The following STK32C variants were observed in gnomAD, a reference collection of about 807,000 sequenced individuals.
STK32C encodes the protein serine/threonine-protein kinase 32C.
STK32C carries 31 observed loss-of-function variants against 56.5 expected under a neutral mutation model. That is an observed-to-expected ratio of 0.55 (90% CI 0.41 to 0.74). The LOEUF is 0.74. Among genes scored for constraint, STK32C ranks in the 30% least tolerant of loss-of-function variants. STK32C has a pLI of 0.00. For synonymous variants in STK32C, 309 were observed against 289.4 expected (o/e 1.07, Z -0.69); for missense variants, 544 against 676.9 (o/e 0.80, Z 2.18).
At chr10:132,298,103 G>A (rs1015344359) in intron 1 of STK32C, among the ~76,000 whole-genome samples, 5 of 152,172 alleles carry the variant, frequency 3.3e-5, no homozygotes, top group Non-Finnish European at 5.9e-5. Context: ...TGAAGGTCAC[G>A]CTTCCAACTC....
intron 10 of STK32C, among the ~76,000 whole-genome samples, chr10:132,213,796 A>G (rs572870875): frequency 6.6e-6 from 1 of 152,336 alleles, no homozygotes; most frequent in Admixed American, 6.5e-5. Context: ...CAGAAGGGCA[A>G]TGTAAGTAGA....
chr10:132,251,289 G>A (rs1249818739), intron 1 of STK32C, among the ~76,000 whole-genome samples: 1 of 152,214 alleles, frequency 6.6e-6, no homozygotes, highest in African/African-American at 2.4e-5. Context: ...CCAGGCCCCT[G>A]CAATGGGAGG....
chr10:132,242,434 G>C (rs950680560), intron 2 of STK32C, among the ~76,000 whole-genome samples: 5 of 152,180 alleles, frequency 3.3e-5, no homozygotes, highest in Middle Eastern at 3.4e-3. Flanking sequence ...AGGTTGGGGG[G>C]GCTCTCTCCA....
chr10:132,301,077 T>G (rs2065897941), intron 1 of STK32C, among the ~76,000 whole-genome samples: 1 of 151,592 alleles, frequency 6.6e-6, no homozygotes, highest in Non-Finnish European at 1.5e-5. Flanking sequence ...CAACACCAAG[T>G]AGAAGGCCTG....
chr10:132,225,409 C>T, intron 6 of STK32C, 73 bp from the exon 7 acceptor site: 1 of 1,585,264 alleles, frequency 6.3e-7, no homozygotes, highest in South Asian at 1.1e-5. Context: ...GGGCCGGCAC[C>T]TTGAGGCCAC....
At chr10:132,230,335 C>G (rs955478899) in intron 2 of STK32C, among the ~76,000 whole-genome samples, 1 of 152,234 alleles carries the variant, frequency 6.6e-6, no homozygotes, top group East Asian at 1.9e-4. Flanking sequence ...TCGCGTGGCT[C>G]GGCAGCACGG....
At chr10:132,210,042 A>G (rs1370346756) in intron 10 of STK32C, among the ~76,000 whole-genome samples, 1 of 152,138 alleles carries the variant, frequency 6.6e-6, no homozygotes, top group Non-Finnish European at 1.5e-5. Flanking sequence ...CCCTATCTAG[A>G]CATACAAAAC....
At chr10:132,311,626 C>G (rs893982573), upstream of STK32C, among the ~76,000 whole-genome samples, 1 of 152,210 alleles carries the variant, frequency 6.6e-6, no homozygotes, top group East Asian at 1.9e-4. The surrounding 1 kb of genome is among the most constrained non-coding windows in gnomAD (Gnocchi z 4.4). Context: ...CCCTCGCCCC[C>G]ACTGCAGTGC....
At chr10:132,235,296 G>A (rs1056367371) in intron 2 of STK32C, among the ~76,000 whole-genome samples, 1 of 151,908 alleles carries the variant, frequency 6.6e-6, no homozygotes, top group African/African-American at 2.4e-5. Flanking sequence ...AGGAGTTCAA[G>A]ACCATCCTGG....
chr10:132,244,510 A>G (rs1441737272), intron 2 of STK32C, among the ~76,000 whole-genome samples: 2 of 152,144 alleles, frequency 1.3e-5, no homozygotes, highest in Non-Finnish European at 2.9e-5. Flanking sequence ...GGGCCCCAGG[A>G]AACAGCACCT....
chr10:132,320,548 G>A (rs999323751), downstream of STK32C, among the ~76,000 whole-genome samples: 9 of 152,148 alleles, frequency 5.9e-5, no homozygotes, highest in African/African-American at 9.7e-5. Context: ...GCTGGGGCAC[G>A]GGGCCCTGTT....
At chr10:132,230,156 G>A (rs951650630) in intron 2 of STK32C, among the ~76,000 whole-genome samples, 5 of 152,246 alleles carry the variant, frequency 3.3e-5, no homozygotes, top group African/African-American at 1.2e-4. Flanking sequence ...AGGGCGGGGC[G>A]GGGCGGGATT....
intron 1 of STK32C, among the ~76,000 whole-genome samples, chr10:132,274,759 A>G (rs770003122): frequency 5.8e-4 from 89 of 152,314 alleles, no homozygotes; most frequent in African/African-American, 2.1e-3. Context: ...CCCCGAGTCC[A>G]AAGCCTCCTC....
At chr10:132,302,492 G>A (rs1328302768) in intron 1 of STK32C, among the ~76,000 whole-genome samples, 1 of 152,208 alleles carries the variant, frequency 6.6e-6, no homozygotes, top group African/African-American at 2.4e-5. Flanking sequence ...GAAGCCAGGA[G>A]CAAACATGTG....
intron 2 of STK32C, among the ~76,000 whole-genome samples, chr10:132,231,387 C>T (rs1049838154): frequency 1.3e-5 from 2 of 152,256 alleles, no homozygotes; most frequent in Non-Finnish European, 2.9e-5. Context: ...CAGGGTTACA[C>T]TCAGGTCTCC....
At chr10:132,222,814 C>A in intron 9 of STK32C, 42 bp from the exon 10 acceptor site, 2 of 1,593,022 alleles carry the variant, frequency 1.3e-6, no homozygotes, top group Non-Finnish European at 1.7e-6. Flanking sequence ...GTGGAGGACG[C>A]CACATCCATC....
At chr10:132,233,151 CA>C (rs1309838024) in intron 2 of STK32C, among the ~76,000 whole-genome samples, 1 of 152,148 alleles carries the variant, frequency 6.6e-6, no homozygotes, top group Non-Finnish European at 1.5e-5. Context: ...CTGGGTACCA[CA>C]AAAACGGGAG....
At chr10:132,219,952 C>T (rs78456364) in intron 10 of STK32C, among the ~76,000 whole-genome samples, 1,944 of 152,230 alleles carry the variant, frequency 0.013, 42 homozygotes, top group African/African-American at 0.043. Flanking sequence ...AGGGGACCAC[C>T]GAGGGACCCA....
chr10:132,284,253 G>C (rs1266392916), intron 1 of STK32C, among the ~76,000 whole-genome samples: 2 of 148,468 alleles, frequency 1.3e-5, no homozygotes, highest in Non-Finnish European at 3.0e-5. Context: ...CAGAGTAGGA[G>C]GTGGCATCAA....
Sources: gnomAD v4.1 joint callset for allele counts (sites outside exome capture counted in the v4.1 genomes callset) on GRCh38, gnomAD v4.1.1 for gene constraint, Gnocchi (gnomAD v3.1) non-coding constraint, MANE v1.5 for transcripts, NCBI Gene and HGNC (gene_info 2026-07-23, HGNC 2026-07-21) for gene names.